Variants in C12orf42 observed in about 807,000 individuals in gnomAD.
C12orf42 encodes chromosome 12 open reading frame 42.
A neutral mutation model predicts 21.6 loss-of-function variants in C12orf42; 25 were observed. The ratio of observed to expected loss-of-function variants is 1.16; its 90% CI spans 0.84 to 1.62. C12orf42 has a LOEUF of 1.62. C12orf42 is among the 40% of genes most tolerant of loss of function. The pLI is 0.00. For missense variants in C12orf42, 483 were observed against 459.3 expected (o/e 1.05, Z -0.47); for synonymous variants, 174 against 175.0 (o/e 0.99, Z 0.05).
chr12:103,359,828 A>T (rs765590500), intron 4 of C12orf42, among the ~76,000 whole-genome samples: 1 of 151,976 alleles, frequency 6.6e-6, no homozygotes, highest in Non-Finnish European at 1.5e-5. Flanking sequence ...AGAAACTAGC[A>T]TGGTGCCAGT....
At chr12:103,234,185 T>C (rs1349632416), downstream of C12orf42, among the ~76,000 whole-genome samples, 1 of 152,228 alleles carries the variant, frequency 6.6e-6, no homozygotes, top group Non-Finnish European at 1.5e-5. Context: ...ATTCTCTTTA[T>C]ACATTGTTGG....
At chr12:103,392,296 A>T (rs942375416) in intron 3 of C12orf42, among the ~76,000 whole-genome samples, 3 of 152,114 alleles carry the variant, frequency 2.0e-5, no homozygotes, top group Admixed American at 6.5e-5. Flanking sequence ...TGTTTTGGTT[A>T]TTTGGGAATC....
chr12:103,433,826 G>A (rs984816980), intron 2 of C12orf42, among the ~76,000 whole-genome samples: 7 of 152,164 alleles, frequency 4.6e-5, no homozygotes, highest in African/African-American at 1.7e-4. Context: ...AAATTGTATT[G>A]ATGAATGACT....
At chr12:103,225,923 C>T in the C12orf42 span, among the ~76,000 whole-genome samples, 12 of 152,260 alleles carry the variant, frequency 7.9e-5, no homozygotes, top group Non-Finnish European at 1.3e-4. Context: ...GCTTCCTAGG[C>T]GATCGGGCAG....
chr12:103,340,955 T>G lies in C12orf42; in HGVS notation c.259+27932A>C, dbSNP rs534639898. On this transcript the variant is annotated intron_variant, in intron 4 of 5. Transcript: ENST00000548883. ...GGTGAAACCCAGTCTCTACTAAAAA[T>G]ACAAAAAATTAGCCAGACATGGTGG... Among the ~76,000 whole-genome samples, 5 of 151,382 alleles carry G rather than the reference T, an allele frequency of 3.3e-5. No homozygotes were observed. The East Asian group carries it at 9.8e-4, about 30-fold the overall frequency.
rs191705901 is a variant in C12orf42 at position 103,247,520 on chromosome 12, T to C, written c.*1367-9618A>G. ...ATTTAGGGATAAAATGTTTAAATGC[T>C]ATGAGATTGAAACTAATAAGCAAAA... is the stretch of plus-strand genomic sequence containing the variant. On this transcript the variant is annotated intron_variant and NMD_transcript_variant, in intron 10 of 10. Transcript: ENST00000547347. Among the ~76,000 whole-genome samples, 790 of 152,218 alleles carry C rather than the reference T, an allele frequency of 5.2e-3. 10 individuals are homozygous for C. The highest frequency in any genetic ancestry group is 0.018 in the African/African-American group (752 of 41,568).
intron 2 of C12orf42, among the ~76,000 whole-genome samples, chr12:103,462,060 G>T (rs1456073192): frequency 7.8e-6 from 1 of 127,546 alleles, no homozygotes; most frequent in Non-Finnish European, 1.7e-5. Flanking sequence ...ATAGAAAGCT[G>T]GATGTTATTT....
the C12orf42 span, among the ~76,000 whole-genome samples, chr12:103,087,439 G>A: frequency 2.6e-5 from 4 of 152,146 alleles, no homozygotes; most frequent in African/African-American, 9.7e-5. Flanking sequence ...AGCAGAGCCC[G>A]TTAAACCTGG....
Position 103,495,121 on chromosome 12 carries a change from G to A in C12orf42, c.-22+781C>T, listed in dbSNP as rs541100832. Among the ~76,000 whole-genome samples, 197 of 152,122 alleles carry A rather than the reference G, an allele frequency of 1.3e-3. 2 individuals are homozygous for A. The highest frequency in any genetic ancestry group is 4.3e-3 in the African/African-American group (180 of 41,494). ...TTCCAAGATTCAATATTAAATGCCA[G>A]CAGGGAGCAGATGTGGGCAGGGGCT... On this transcript the variant is annotated intron_variant, in intron 1 of 5. Transcript: ENST00000548883.
intron 5 of C12orf42, chr12:103,270,362 A>AAGGG (rs1293033427): frequency 6.8e-6 from 1 of 147,360 alleles, no homozygotes; most frequent in Non-Finnish European, 1.5e-5. Context: ...GGAAGGAAGG[A>AAGGG]AGAAAGGAAG....
chr12:103,371,786 C>T (rs1004847142), intron 3 of C12orf42, among the ~76,000 whole-genome samples: 1 of 152,134 alleles, frequency 6.6e-6, no homozygotes, highest in African/African-American at 2.4e-5. Context: ...ATCTCCACAT[C>T]CTGATCTCTA....
intron 4 of C12orf42, among the ~76,000 whole-genome samples, chr12:103,329,048 G>A (rs2040966710): frequency 6.6e-6 from 1 of 152,202 alleles, no homozygotes; most frequent in Non-Finnish European, 1.5e-5. Context: ...GCAGTGATAA[G>A]CGCAGGGATG....
At chr12:103,164,353 T>A in the C12orf42 span, 1 of 454,410 alleles carries the variant, frequency 2.2e-6, no homozygotes, top group Non-Finnish European at 4.4e-6. Context: ...CTATCCCCTT[T>A]CATAGAAATT....
chr12:103,125,557 G>T, the C12orf42 span, among the ~76,000 whole-genome samples: 2 of 152,120 alleles, frequency 1.3e-5, no homozygotes, highest in African/African-American at 4.8e-5. Flanking sequence ...GGGAAGAAAT[G>T]AGTTCATTGC....
At chr12:103,158,177 C>T in the C12orf42 span, among the ~76,000 whole-genome samples, 1 of 152,146 alleles carries the variant, frequency 6.6e-6, no homozygotes, top group Non-Finnish European at 1.5e-5. Context: ...TTCCCAATGT[C>T]TGATGAGATG....
the C12orf42 span, among the ~76,000 whole-genome samples, chr12:103,507,178 TTATATATAA>T: frequency 4.1e-5 from 1 of 24,302 alleles, no homozygotes; most frequent in Non-Finnish European, 5.5e-5. Flanking sequence ...TATATTTATA[TTATATATAA>T]TATATATATA....
At chr12:103,110,278 C>T in the C12orf42 span, among the ~76,000 whole-genome samples, 1 of 152,104 alleles carries the variant, frequency 6.6e-6, no homozygotes, top group Non-Finnish European at 1.5e-5. Context: ...GTCTAATGAA[C>T]AAAGCAATTA....
In C12orf42 at chr12:103,302,362, C is replaced by T. The variant is rs778318030; in HGVS notation, c.829G>A (p.Ala277Thr). 1.9e-6 allele frequency: 3 copies of T among 1,613,970 alleles called. No individual in the cohort carries two copies. The highest frequency in any genetic ancestry group is 2.2e-5 in the East Asian group (1 of 44,868). ...AGCATCTCCGGCGCCATGGCAACCGCGCCTTTTCCGACGGGATTTCCGGAC... is the reference window on the plus strand; with the variant it reads ...AGCATCTCCGGCGCCATGGCAACCGTGCCTTTTCCGACGGGATTTCCGGAC... ...GASGNPVGKGAVAMAPEMLPK... is the reference protein window; with the variant it reads ...GASGNPVGKGTVAMAPEMLPK... Residue 277 changes from alanine (A) to threonine (T), a missense_variant, in exon 6 of 6, where the codon GCG (alanine) becomes ACG (threonine). Physicochemically the swap from Ala to Thr is moderately conservative, Grantham distance 58. Transcript: ENST00000548883.
the C12orf42 span, among the ~76,000 whole-genome samples, chr12:103,197,783 G>T: frequency 2.0e-5 from 3 of 152,142 alleles, no homozygotes; most frequent in African/African-American, 7.2e-5. Context: ...TTTTGTATGA[G>T]TTGGGTTCAG....
Sources: allele counts gnomAD v4.1 joint callset (sites outside exome capture counted in the v4.1 genomes callset), GRCh38; gene constraint gnomAD v4.1.1; transcripts MANE v1.5; gene names NCBI Gene and HGNC (gene_info 2026-07-23, HGNC 2026-07-21).